Variants in KCNT2 observed in about 807,000 individuals in gnomAD.
KCNT2 encodes potassium sodium-activated channel subfamily T member 2.
KCNT2 carries 67 observed loss-of-function variants against 153.8 expected under a neutral mutation model. That is an observed-to-expected ratio of 0.44 (90% CI 0.36 to 0.53). The LOEUF is 0.53. Ranked by LOEUF, KCNT2 falls within the 20% of genes least tolerant of loss-of-function variation. The pLI is 0.00. For missense variants in KCNT2, 975 were observed against 1,354.8 expected, an observed-to-expected ratio of 0.72 and a Z score of 4.40; for synonymous variants, 500 against 458.8, an observed-to-expected ratio of 1.09 and a Z score of -1.15.
chr1:196,277,701 C>G (rs1658700746), intron 25 of KCNT2, among the ~76,000 whole-genome samples: 1 of 152,022 alleles, frequency 6.6e-6, no homozygotes, highest in Non-Finnish European at 1.5e-5. Context: ...AGTAAGAGAA[C>G]AGGGCCATTT....
At chr1:196,451,434 G>GTTTTT (rs1557952237) in intron 8 of KCNT2, among the ~76,000 whole-genome samples, 32 of 103,790 alleles carry the variant, frequency 3.1e-4, no homozygotes, top group East Asian at 1.2e-3. Flanking sequence ...TTTTTTTTTG[G>GTTTTT]ATTTTAGTAG....
At chr1:196,383,843 G>T (rs1390813168) in intron 13 of KCNT2, among the ~76,000 whole-genome samples, 4 of 152,124 alleles carry the variant, frequency 2.6e-5, no homozygotes, top group Non-Finnish European at 5.9e-5. Context: ...ATTGGATTTG[G>T]AGTCACATGG....
Position 196,285,764 on chromosome 1 carries a change from C to G in KCNT2, c.2596-6G>C. On this transcript the variant is annotated splice_region_variant and splice_polypyrimidine_tract_variant and intron_variant, in intron 22 of 27. Transcript: ENST00000294725. ...GAGCCTCTCTCCCGTTCTTTCTGTT[C>G]AGAAATTTGAGATAGAAAAATTTGT... is the stretch of plus-strand genomic sequence containing the variant. The G allele has an allele frequency of 1.9e-6, 3 of 1,582,556 alleles. No individual in the cohort carries two copies. Among genetic ancestry groups the G allele is most frequent in the Non-Finnish European group, 2.6e-6 (3 of 1,152,662 alleles).
At chr1:196,300,845 T>C (rs1413154921) in intron 22 of KCNT2, among the ~76,000 whole-genome samples, 1 of 152,154 alleles carries the variant, frequency 6.6e-6, no homozygotes, top group Non-Finnish European at 1.5e-5. Flanking sequence ...TTCTCCCCTA[T>C]TGGAGCTCAG....
intron 26 of KCNT2, among the ~76,000 whole-genome samples, chr1:196,251,927 C>T (rs985032817): frequency 2.0e-5 from 3 of 151,626 alleles, no homozygotes; most frequent in Admixed American, 1.3e-4. Context: ...TATATTTTTC[C>T]TTTTAACCAA....
At chr1:196,470,683 A>G (rs1678013553) in intron 5 of KCNT2, among the ~76,000 whole-genome samples, 1 of 152,166 alleles carries the variant, frequency 6.6e-6, no homozygotes, top group Non-Finnish European at 1.5e-5. Flanking sequence ...ACTTCAACCC[A>G]GAAACTGACT....
intron 14 of KCNT2, among the ~76,000 whole-genome samples, chr1:196,355,140 G>A (rs1471836694): frequency 6.6e-6 from 1 of 151,534 alleles, no homozygotes. Context: ...ATTCTTGTAA[G>A]TCTGCAGATA....
chr1:196,327,668 C>T (rs1159781060), intron 18 of KCNT2, among the ~76,000 whole-genome samples: 32 of 127,876 alleles, frequency 2.5e-4, no homozygotes, highest in African/African-American at 5.5e-4. Context: ...ATATTCTGAT[C>T]TTTTTTTTTT....
intron 5 of KCNT2, 28 bp downstream of exon 5, chr1:196,479,151 C>T (rs143914308): frequency 6.6e-5 from 88 of 1,340,884 alleles, no homozygotes; most frequent in South Asian, 2.2e-4. Context: ...GTTCTATCAG[C>T]GGGAAACTGC....
At chr1:196,507,518 C>T (rs879819887) in intron 1 of KCNT2, among the ~76,000 whole-genome samples, 3 of 151,970 alleles carry the variant, frequency 2.0e-5, no homozygotes, top group South Asian at 2.1e-4. Context: ...TGTGGGGTGG[C>T]GACTGTATTT....
At chr1:196,429,516 G>T in intron 9 of KCNT2, 61 bp downstream of exon 9, 2 of 1,082,742 alleles carry the variant, frequency 1.8e-6, no homozygotes, top group Non-Finnish European at 2.6e-6. Context: ...CTTATTAAAT[G>T]TGGAGGATTC....
At chr1:196,315,683 T>C (rs541501308) in intron 21 of KCNT2, among the ~76,000 whole-genome samples, 15 of 151,920 alleles carry the variant, frequency 9.9e-5, no homozygotes, top group African/African-American at 3.6e-4. Flanking sequence ...ATTCAATTTG[T>C]TTTATGAGAA....
rs1190571024 is a variant in KCNT2 at position 196,284,230 on chromosome 1, T to TAA, written c.2697+1425_2697+1426dup. On this transcript the variant is annotated intron_variant, in intron 23 of 27. Coordinates refer to ENST00000294725, the MANE Select transcript of KCNT2 (RefSeq NM_198503.5). ...TGGGCGACAGAGCAAGACTCTGTCT[T>TAA]AAAAAAAAAAAAAAAAAAATATATA... is the stretch of plus-strand genomic sequence containing the variant. 9.8e-3 allele frequency among the ~76,000 whole-genome samples: 29 copies of TAA among 2,972 alleles called. 6 individuals carry two copies. Among genetic ancestry groups the TAA allele is most frequent in the African/African-American group, 0.014 (20 of 1,474 alleles). 1.9% of individuals were successfully genotyped at this position (2,972 alleles called of 152,430 possible).
At chr1:196,395,383 G>T (rs1670847951) in intron 13 of KCNT2, among the ~76,000 whole-genome samples, 1 of 151,518 alleles carries the variant, frequency 6.6e-6, no homozygotes, top group South Asian at 2.1e-4. Flanking sequence ...CATTATGGGA[G>T]AGCCCAGTTA....
At chr1:196,327,828 G>A (rs1026869494) in intron 18 of KCNT2, among the ~76,000 whole-genome samples, 1 of 151,750 alleles carries the variant, frequency 6.6e-6, no homozygotes. Context: ...CAGCATGCTC[G>A]ACTAATGTTT....
chr1:196,411,218 G>A (rs779217500), intron 12 of KCNT2, among the ~76,000 whole-genome samples: 9 of 150,768 alleles, frequency 6.0e-5, no homozygotes, highest in Non-Finnish European at 1.3e-4. Context: ...CCTCGTCAAA[G>A]ATCAGTTGAC....
At position 196,235,938 on chromosome 1, in the gene KCNT2, T is replaced by A. The variant is rs771948142; in HGVS notation, c.3296+48A>T. The stretch of plus-strand genomic sequence containing the variant: ...TAAATATAAGTACAAAAATAAATAG[T>A]AGTTTTCTAAAAATATCTGTCTTAT... On this transcript the variant is annotated intron_variant, in intron 27 of 27. Coordinates refer to ENST00000294725, the MANE Select transcript of KCNT2 (RefSeq NM_198503.5). The A allele has an allele frequency of 3.5e-6, 4 of 1,126,804 alleles. No individual in the cohort carries two copies. The African/African-American group carries it at 6.2e-5, about 18-fold the overall frequency. 69.8% of individuals were successfully genotyped at this position (1,126,804 alleles called of 1,614,324 possible).
At chr1:196,239,424 C>A (rs1435588243) in intron 26 of KCNT2, among the ~76,000 whole-genome samples, 1 of 151,680 alleles carries the variant, frequency 6.6e-6, no homozygotes, top group African/African-American at 2.4e-5. Context: ...AAAGAAACTT[C>A]TTTTGCTATA....
intron 22 of KCNT2, among the ~76,000 whole-genome samples, chr1:196,286,211 A>G (rs966430526): frequency 5.9e-5 from 9 of 152,162 alleles, no homozygotes; most frequent in African/African-American, 2.2e-4. Flanking sequence ...CAAAATTCAT[A>G]CATTGAAATC....
Sources: gnomAD v4.1 joint callset for allele counts (sites outside exome capture counted in the v4.1 genomes callset) on GRCh38, gnomAD v4.1.1 for gene constraint, MANE v1.5 for transcripts, NCBI Gene and HGNC (gene_info 2026-07-23, HGNC 2026-07-21) for gene names.